ZNF704: variants seen among roughly 807,000 people sequenced by gnomAD.
ZNF704 encodes the protein glucocorticoid induced gene 1.
Under a neutral mutation model 44.7 loss-of-function variants are expected in ZNF704, and 10 were observed. That is an observed-to-expected ratio of 0.22 (90% CI 0.14 to 0.38). The LOEUF is 0.38. Among genes scored for constraint, ZNF704 ranks in the 10% least tolerant of loss-of-function variants. The pLI is 1.00. For synonymous variants in ZNF704, 211 were observed against 207.6 expected (o/e 1.02, Z -0.14); for missense variants, 390 against 545.5 (o/e 0.71, Z 2.84).
rs1200401498 is a variant in ZNF704, at chr8:80,639,283, C to CA, written c.*2082dup. ...GCTCTGGCCGCCCAAGGCCACTGGG[C>CA]AATCTGCCCATGGCTCAGGGCTTCC... On this transcript the variant is annotated 3_prime_UTR_variant, in exon 9 of 9. Coordinates refer to ENST00000327835, the MANE Select transcript of ZNF704 (RefSeq NM_001033723.3). 2.0e-5 allele frequency: 3 copies of CA among 152,286 alleles called. No individual in the cohort carries two copies. The highest frequency in any genetic ancestry group is 4.4e-5 in the Non-Finnish European group (3 of 68,096). 9.4% of individuals were successfully genotyped at this position (152,286 alleles called of 1,614,324 possible).
chr8:80,845,928 C>T (rs1808760657), intron 1 of ZNF704, among the ~76,000 whole-genome samples: 1 of 152,152 alleles, frequency 6.6e-6, no homozygotes, highest in East Asian at 1.9e-4. Flanking sequence ...ATCTCCTCTG[C>T]CATACTAAAA....
At chr8:80,737,829 A>T (rs1244143199) in intron 2 of ZNF704, among the ~76,000 whole-genome samples, 2 of 152,164 alleles carry the variant, frequency 1.3e-5, no homozygotes. Context: ...GTGAAACCTA[A>T]GAAAGCAGCA....
intron 7 of ZNF704, among the ~76,000 whole-genome samples, chr8:80,650,431 G>T (rs1285642892): frequency 6.6e-6 from 1 of 152,164 alleles, no homozygotes; most frequent in Non-Finnish European, 1.5e-5. Flanking sequence ...AAATTTAGAC[G>T]AATGGCTAAC....
rs373497832 is a variant in ZNF704 at position 80,703,870 on chromosome 8, C to T, written c.222-10763G>A. Among the ~76,000 whole-genome samples the T allele has an allele frequency of 2.6e-5, 4 of 152,294 alleles. No homozygotes were observed. In the East Asian group the frequency reaches 5.8e-4, roughly 22 times the overall value. On this transcript the variant is annotated intron_variant, in intron 2 of 8. Coordinates refer to ENST00000327835, the MANE Select transcript of ZNF704 (RefSeq NM_001033723.3). ...AAGTGGCAGGGGGAAGCATAGAACA[C>T]GTATCTGAAAAACTTCTGCAGTTCT...
chr8:80,855,045 A>C lies in ZNF704; in HGVS notation c.-22+19526T>G, dbSNP rs540983686. On this transcript the variant is annotated intron_variant, in intron 1 of 8. Coordinates refer to ENST00000327835, the MANE Select transcript of ZNF704 (RefSeq NM_001033723.3). ...AATCCATACAGTCTTTAAGTTATTT[A>C]AAAATGTACAATTAAGTTATCATGT... 2.0e-5 allele frequency among the ~76,000 whole-genome samples: 3 copies of C among 152,308 alleles called. No individual in the cohort carries two copies. In the East Asian group the frequency reaches 5.8e-4, roughly 29 times the overall value.
At chr8:80,794,500 C>T (rs1178738297) in intron 2 of ZNF704, among the ~76,000 whole-genome samples, 1 of 152,140 alleles carries the variant, frequency 6.6e-6, no homozygotes, top group East Asian at 1.9e-4. Context: ...TATAAAAATA[C>T]TCTTCATGAG....
intron 1 of ZNF704, among the ~76,000 whole-genome samples, chr8:80,823,245 CTT>C (rs1808309732): frequency 2.0e-5 from 3 of 152,210 alleles, no homozygotes; most frequent in Non-Finnish European, 4.4e-5. Flanking sequence ...TTCCAATGGC[CTT>C]AGCAAACAGC....
In ZNF704 at chr8:80,801,351, AC is replaced by A. The variant is rs1057399424; in HGVS notation, c.221+20022del. ...TATATACAAAACTCTCCACTACAAA[AC>A]AACAAAATATACATTCTTCTCATGA... On this transcript the variant is annotated intron_variant, in intron 2 of 8. Coordinates refer to ENST00000327835, the MANE Select transcript of ZNF704 (RefSeq NM_001033723.3). Among the ~76,000 whole-genome samples, 4 of 152,286 alleles carry A rather than the reference AC, an allele frequency of 2.6e-5. No individual in the cohort carries two copies. In the South Asian group the frequency reaches 6.2e-4, roughly 24 times the overall value.
intron 2 of ZNF704, among the ~76,000 whole-genome samples, chr8:80,693,930 A>C (rs1265673542): frequency 1.3e-5 from 2 of 152,170 alleles, no homozygotes. Context: ...AGAAGGTAGA[A>C]TAGAAGGAGG....
chr8:80,774,113 T>C (rs1201945794), intron 2 of ZNF704, among the ~76,000 whole-genome samples: 3 of 151,894 alleles, frequency 2.0e-5, no homozygotes, highest in Admixed American at 2.0e-4. Context: ...TGGAGTGCCG[T>C]GGTGCAATCA....
chr8:80,872,935 T>A lies in ZNF704; in HGVS notation c.-22+1636A>T, dbSNP rs193298282. Among the ~76,000 whole-genome samples, 4 of 151,158 alleles carry A rather than the reference T, an allele frequency of 2.6e-5. No homozygotes were observed. In the East Asian group the frequency reaches 7.8e-4, roughly 30 times the overall value. The stretch of plus-strand genomic sequence containing the variant: ...GAGTGGAAACACGGGAGGGCGAGGG[T>A]CAATGCCAAAAACTGCTAGCAAAAT... On this transcript the variant is annotated intron_variant, in intron 1 of 8. Transcript: ENST00000327835.
chr8:80,700,744 AG>A (rs1233150868), intron 2 of ZNF704, among the ~76,000 whole-genome samples: 1 of 152,222 alleles, frequency 6.6e-6, no homozygotes, highest in Non-Finnish European at 1.5e-5. Context: ...ATGGGTACTG[AG>A]GGAATCATTA....
chr8:80,692,128 T>A (rs1226168732), intron 3 of ZNF704, among the ~76,000 whole-genome samples: 1 of 152,162 alleles, frequency 6.6e-6, no homozygotes, highest in Non-Finnish European at 1.5e-5. Flanking sequence ...TAGCCAGGCA[T>A]AAATGACCCC....
chr8:80,641,541 T>G, intron 8 of ZNF704, 64 bp from the exon 9 acceptor site: 1 of 895,122 alleles, frequency 1.1e-6, no homozygotes, highest in Non-Finnish European at 1.6e-6. Flanking sequence ...TATGGAGAGC[T>G]CAAAAATCCC....
chr8:80,865,012 G>A (rs1809130937), intron 1 of ZNF704, among the ~76,000 whole-genome samples: 1 of 152,146 alleles, frequency 6.6e-6, no homozygotes. Context: ...TGAAAGGGAA[G>A]ATTAAAGCTC....
At chr8:80,837,306 T>C (rs1440836459) in intron 1 of ZNF704, among the ~76,000 whole-genome samples, 1 of 152,208 alleles carries the variant, frequency 6.6e-6, no homozygotes, top group East Asian at 1.9e-4. Context: ...ATGGAGGACT[T>C]TGCCTCCAGG....
chr8:80,641,243 T>G lies in ZNF704; in HGVS notation c.*123A>C, dbSNP rs970067915. 10 of 547,292 alleles carry G rather than the reference T, an allele frequency of 1.8e-5. No individual in the cohort carries two copies. In the African/African-American group the frequency reaches 1.9e-4, roughly 10 times the overall value. 33.9% of individuals were successfully genotyped at this position (547,292 alleles called of 1,614,324 possible). On this transcript the variant is annotated 3_prime_UTR_variant, in exon 9 of 9. Transcript: ENST00000327835. Reference sequence around the variant, plus strand: ...TTTGCTGTTATTCCTCCAAGGTTCCTGAAAGGGCTTTTCCTGGCTTCAACT... The same window carrying G: ...TTTGCTGTTATTCCTCCAAGGTTCCGGAAAGGGCTTTTCCTGGCTTCAACT...
At chr8:80,749,312 A>G (rs1463596040) in intron 2 of ZNF704, among the ~76,000 whole-genome samples, 1 of 151,974 alleles carries the variant, frequency 6.6e-6, no homozygotes, top group Non-Finnish European at 1.5e-5. Flanking sequence ...ACCTCGCCCC[A>G]CTTTTTGTCT....
chr8:80,843,941 G>A (rs1808722338), intron 1 of ZNF704, among the ~76,000 whole-genome samples: 1 of 147,546 alleles, frequency 6.8e-6, no homozygotes, highest in Non-Finnish European at 1.5e-5. Flanking sequence ...ATATATATAT[G>A]TGTATGTATA....
Sources: allele counts gnomAD v4.1 joint callset (sites outside exome capture counted in the v4.1 genomes callset), GRCh38; gene constraint gnomAD v4.1.1; transcripts MANE v1.5; gene names NCBI Gene and HGNC (gene_info 2026-07-23, HGNC 2026-07-21).